The following RANBP2 variants were observed in gnomAD, a reference collection of about 807,000 sequenced individuals.
RANBP2 encodes E3 SUMO-protein ligase RanBP2.
In RANBP2, 57 loss-of-function variants were observed where a neutral mutation model predicts 303.6. The observed-to-expected ratio is 0.19, with a 90% confidence interval of 0.15 to 0.23. The LOEUF (loss-of-function observed/expected upper bound fraction) is 0.23, where lower values mean the gene tolerates loss of function less well. Ranked by LOEUF, RANBP2 falls within the 10% of genes least tolerant of loss-of-function variation. The pLI, the probability that RANBP2 is intolerant of heterozygous loss-of-function variation, is 1.00. For synonymous variants in RANBP2, 1,167 were observed against 1,301.5 expected, an observed-to-expected ratio of 0.90 and a Z score of 2.23; for missense variants, 3,138 against 3,780.8, an observed-to-expected ratio of 0.83 and a Z score of 4.46.
the RANBP2 span, among the ~76,000 whole-genome samples, chr2:109,331,082 C>T: frequency 2.6e-5 from 4 of 152,202 alleles, no homozygotes; most frequent in East Asian, 7.7e-4. Flanking sequence ...TCAGCTTTTC[C>T]TTCCAGCATA....
At chr2:109,516,693 G>A in the RANBP2 span, among the ~76,000 whole-genome samples, 1 of 152,366 alleles carries the variant, frequency 6.6e-6, no homozygotes, top group East Asian at 1.9e-4. Flanking sequence ...AGCAGGGCTG[G>A]CGTGTGAGGC....
At chr2:109,399,448 GTT>G in the RANBP2 span, among the ~76,000 whole-genome samples, 13 of 147,802 alleles carry the variant, frequency 8.8e-5, no homozygotes, top group South Asian at 6.5e-4. Context: ...ATTTCCACTA[GTT>G]TTTTTTTTTT....
chr2:109,614,810 C>T, the RANBP2 span: 2 of 1,460,126 alleles, frequency 1.4e-6, no homozygotes, highest in Admixed American at 2.6e-5. Flanking sequence ...AGGCCCCCGA[C>T]GGCCCTGCCG....
At chr2:108,985,637 CAT>C in the RANBP2 span, among the ~76,000 whole-genome samples, 14 of 152,358 alleles carry the variant, frequency 9.2e-5, no homozygotes, top group South Asian at 2.1e-4. Flanking sequence ...GCTTCACCCA[CAT>C]GTGTCTGCTC....
the RANBP2 span, among the ~76,000 whole-genome samples, chr2:109,326,323 A>T: frequency 6.6e-6 from 1 of 151,824 alleles, no homozygotes; most frequent in African/African-American, 2.4e-5. Flanking sequence ...TAGACTATCT[A>T]CTTCACAGTT....
At chr2:109,147,384 C>T in the RANBP2 span, among the ~76,000 whole-genome samples, 4 of 152,092 alleles carry the variant, frequency 2.6e-5, no homozygotes, top group Non-Finnish European at 5.9e-5. Flanking sequence ...TTGCTGGGGC[C>T]AGATGAAAGA....
chr2:109,689,753 G>C, the RANBP2 span, among the ~76,000 whole-genome samples: 1 of 152,124 alleles, frequency 6.6e-6, no homozygotes, highest in Non-Finnish European at 1.5e-5. Flanking sequence ...AGCACTTAAA[G>C]GGAAATTTCA....
At position 108,764,786 on chromosome 2, in the gene RANBP2, A is replaced by T; in HGVS notation, c.4247A>T (p.Glu1416Val). ...TTTGCATTGGTGACTCCAAAGAAAG[A>T]AGGTCACTGGGATTGTAGTATTTGT... is the stretch of plus-strand genomic sequence containing the variant. The part of the protein sequence containing the change: ...DRFALVTPKK[E>V]GHWDCSICLV... The change falls in exon 20 of 29, where the codon GAA becomes GTA. Residue 1416 changes from glutamate (E) to valine (V), a missense_variant. This residue lies in a region of RANBP2 where 388 missense variants were observed against 328.5 expected (regional missense o/e 1.18). Transcript: ENST00000283195. The T allele has an allele frequency of 6.2e-7, 1 of 1,614,066 alleles. No homozygotes were observed. The highest frequency in any genetic ancestry group is 8.5e-7 in the Non-Finnish European group (1 of 1,179,954).
At chr2:108,737,848 G>A (rs1041143262) in intron 6 of RANBP2, among the ~76,000 whole-genome samples, 3 of 149,542 alleles carry the variant, frequency 2.0e-5, no homozygotes, top group Non-Finnish European at 4.5e-5. Flanking sequence ...TGAGTAGCTG[G>A]GACTACAGGC....
Position 108,735,535 on chromosome 2 carries a change from C to G in RANBP2, c.409C>G (p.Gln137Glu). The change falls in exon 5 of 29, where the codon CAG becomes GAG. Residue 137 changes from glutamine (Q) to glutamate (E), a missense_variant. Physicochemically the swap from Gln to Glu is conservative, Grantham distance 29. Around this residue, in one of 20 missense-constraint regions of RANBP2, gnomAD observed 306 missense variants for 381.9 expected, o/e 0.80. Transcript: ENST00000283195. Reference sequence around the variant, plus strand: ...TTTCTTTTTCCCCTCTAAATAGGAACAGCTTCTAGATTGTGAAGGTGAAGA... The same window carrying G: ...TTTCTTTTTCCCCTCTAAATAGGAAGAGCTTCTAGATTGTGAAGGTGAAGA... ...GSPAIYKLKEQLLDCEGEDGW... is the reference protein window; with the variant it reads ...GSPAIYKLKEELLDCEGEDGW... 1 of 1,597,518 alleles carries G rather than the reference C, an allele frequency of 6.3e-7. No homozygotes were observed. Among genetic ancestry groups the G allele is most frequent in the South Asian group, 1.1e-5 (1 of 90,996 alleles).
At chr2:109,583,292 T>G in the RANBP2 span, among the ~76,000 whole-genome samples, 1 of 152,248 alleles carries the variant, frequency 6.6e-6, no homozygotes, top group African/African-American at 2.4e-5. Context: ...GCAGCCAGAA[T>G]CTGTAAGAAA....
the RANBP2 span, among the ~76,000 whole-genome samples, chr2:109,072,859 C>T: frequency 6.6e-6 from 1 of 152,260 alleles, no homozygotes; most frequent in South Asian, 2.1e-4. Context: ...ACTTGGCACA[C>T]TCTAGTCTCC....
chr2:109,153,783 C>T, the RANBP2 span, among the ~76,000 whole-genome samples: 8 of 152,192 alleles, frequency 5.3e-5, no homozygotes, highest in South Asian at 4.1e-4. Flanking sequence ...AACCACCCCC[C>T]GACCCCCGAT....
the RANBP2 span, among the ~76,000 whole-genome samples, chr2:108,875,426 A>G: frequency 9.9e-5 from 15 of 152,140 alleles, no homozygotes; most frequent in African/African-American, 3.6e-4. Flanking sequence ...AAGTCAAAAG[A>G]TAAACCAATA....
chr2:109,697,928 C>T, the RANBP2 span, among the ~76,000 whole-genome samples: 3 of 148,898 alleles, frequency 2.0e-5, no homozygotes, highest in Non-Finnish European at 4.4e-5. Flanking sequence ...GGCGCAATCT[C>T]GGCTCACTGC....
At chr2:109,290,147 C>T in the RANBP2 span, among the ~76,000 whole-genome samples, 4 of 152,192 alleles carry the variant, frequency 2.6e-5, no homozygotes, top group African/African-American at 9.7e-5. Context: ...ACCAAAGTTG[C>T]ATGGTCCTGG....
chr2:109,387,643 G>T, the RANBP2 span, among the ~76,000 whole-genome samples: 1 of 152,182 alleles, frequency 6.6e-6, no homozygotes, highest in Non-Finnish European at 1.5e-5. Context: ...TTAACCTGCA[G>T]CCCCTCAGCA....
At chr2:108,722,511 T>C (rs1558866977) in intron 1 of RANBP2, among the ~76,000 whole-genome samples, 2 of 151,740 alleles carry the variant, frequency 1.3e-5, no homozygotes, top group Non-Finnish European at 2.9e-5. Context: ...CTGCCCATGC[T>C]TTCTAGAATG....
At chr2:109,594,779 A>G in the RANBP2 span, 1 of 152,276 alleles carries the variant, frequency 6.6e-6, no homozygotes, top group African/African-American at 2.4e-5. Flanking sequence ...AATCTTACAG[A>G]GACAAAATAG....
Sources: allele counts gnomAD v4.1 joint callset (sites outside exome capture counted in the v4.1 genomes callset), GRCh38; gene constraint gnomAD v4.1.1; regional missense constraint gnomAD v4.1.1; transcripts MANE v1.5; gene names NCBI Gene and HGNC (gene_info 2026-07-23, HGNC 2026-07-21).